Variants in LAMA2 observed in about 807,000 individuals in gnomAD.
The protein encoded by LAMA2 is laminin subunit alpha 2, also known as laminin subunit alpha-2.
Under a neutral mutation model 364.8 loss-of-function variants are expected in LAMA2, and 269 were observed. The ratio of observed to expected loss-of-function variants is 0.74; its 90% CI spans 0.67 to 0.82. The LOEUF is 0.82. LAMA2 is among the 40% of genes least tolerant of loss of function. LAMA2 has a pLI of 0.00. For synonymous variants in LAMA2, 1,379 were observed against 1,370.6 expected (o/e 1.01, Z -0.14); for missense variants, 3,807 against 3,873.2 (o/e 0.98, Z 0.45).
chr6:129,231,182 C>A (rs2115129886), intron 12 of LAMA2, among the ~76,000 whole-genome samples: 1 of 152,160 alleles, frequency 6.6e-6, no homozygotes, highest in South Asian at 2.1e-4. Context: ...ATTACTTATG[C>A]AAATGCAAAA....
At chr6:129,068,461 T>C (rs1773084171) in intron 3 of LAMA2, among the ~76,000 whole-genome samples, 1 of 152,226 alleles carries the variant, frequency 6.6e-6, no homozygotes, top group Admixed American at 6.5e-5. Flanking sequence ...GATGGCCTTC[T>C]TCTTGCTGTA....
At chr6:129,424,560 T>G (rs1781234274) in intron 40 of LAMA2, among the ~76,000 whole-genome samples, 1 of 151,910 alleles carries the variant, frequency 6.6e-6, no homozygotes, top group Non-Finnish European at 1.5e-5. Flanking sequence ...CAAGAAAATT[T>G]GAACAAAAGA....
rs143637663 is a variant in LAMA2 at position 129,043,435 on chromosome 6, T to G, written c.113-6483T>G. 2.0e-5 allele frequency among the ~76,000 whole-genome samples: 3 copies of G among 152,324 alleles called. No individual in the cohort carries two copies. In the South Asian group the frequency reaches 6.2e-4, roughly 32 times the overall value. On this transcript the variant is annotated intron_variant, in intron 1 of 64. Transcript: ENST00000421865. ...TCTATTAATCACATGTAGTGGATTT[T>G]TTTTTCATTCTAGATACTGTGTTAC...
At chr6:129,466,270 A>G (rs1783537401) in intron 51 of LAMA2, among the ~76,000 whole-genome samples, 1 of 151,962 alleles carries the variant, frequency 6.6e-6, no homozygotes, top group African/African-American at 2.4e-5. Flanking sequence ...ATAGAGATGT[A>G]TGTAGCCAGC....
At chr6:129,255,404 T>TTAAAAAAA (rs1355029872) in intron 14 of LAMA2, among the ~76,000 whole-genome samples, 1 of 19,984 alleles carries the variant, frequency 5.0e-5, no homozygotes. Context: ...AGACTCTGTC[T>TTAAAAAAA]CAAAAAAAAA....
Position 129,063,456 on chromosome 6 carries a change from G to A in LAMA2, c.396+3560G>A, listed in dbSNP as rs115259284. Reference sequence around the variant, plus strand: ...CTTTTAAAATCTAGCCATTATCTCCGTCATGCCCTTTGATTTGTTTCAGAA... The same window carrying A: ...CTTTTAAAATCTAGCCATTATCTCCATCATGCCCTTTGATTTGTTTCAGAA... On this transcript the variant is annotated intron_variant, in intron 3 of 64. Transcript: ENST00000421865. Among the ~76,000 whole-genome samples, 572 of 151,980 alleles carry A rather than the reference G, an allele frequency of 3.8e-3. 1 individual carries two copies. The highest frequency in any genetic ancestry group is 0.013 in the African/African-American group (542 of 41,446).
intron 7 of LAMA2, among the ~76,000 whole-genome samples, chr6:129,150,151 A>G (rs1038889900): frequency 1.5e-4 from 23 of 152,282 alleles, no homozygotes; most frequent in Admixed American, 1.2e-3. Flanking sequence ...TTACAAAAGC[A>G]TATCTGGAGG....
chr6:129,512,273 G>A (rs1786648813), intron 62 of LAMA2, 90 bp from the exon 63 acceptor site: 12 of 1,276,858 alleles, frequency 9.4e-6, no homozygotes, highest in Non-Finnish European at 1.2e-5. Context: ...CATTTGAATT[G>A]AAATATAATA....
rs748541803 is a variant in LAMA2, at chr6:129,369,967, G to A, written c.4936G>A (p.Glu1646Lys). 1.9e-5 allele frequency: 31 copies of A among 1,613,910 alleles called. No individual in the cohort carries two copies. Among genetic ancestry groups the A allele is most frequent in the East Asian group, 4.5e-5 (2 of 44,874 alleles). The change falls in exon 34 of 65, where the codon GAA becomes AAA. Residue 1646 changes from glutamate to lysine, a missense_variant. Around this residue, in one of 3 missense-constraint regions of LAMA2, gnomAD observed 3,333 missense variants for 3,345.7 expected, o/e 1.00. Transcript: ENST00000421865. Reference protein sequence around the residue: ...AEGNLNTLVTEMNELLTRATK... With the variant: ...AEGNLNTLVTKMNELLTRATK... ...GGGCAATCTGAATACACTCGTGACC[G>A]AAATGAACGAGCTGCTGACCAGGGT...
chr6:128,929,242 C>G (rs1779291414), intron 1 of LAMA2: 14 of 1,467,292 alleles, frequency 9.5e-6, no homozygotes, highest in South Asian at 3.4e-5. Flanking sequence ...GATTGATGTA[C>G]TGTAAGAGAC....
intron 15 of LAMA2, among the ~76,000 whole-genome samples, chr6:129,261,827 A>C (rs1334448898): frequency 6.6e-6 from 1 of 152,128 alleles, no homozygotes; most frequent in East Asian, 1.9e-4. Context: ...ACTAGATATA[A>C]CTTATAGAAG....
intron 40 of LAMA2, among the ~76,000 whole-genome samples, chr6:129,427,277 C>A (rs1057258515): frequency 6.6e-6 from 1 of 152,128 alleles, no homozygotes; most frequent in Non-Finnish European, 1.5e-5. Context: ...GAAATGCTCC[C>A]CTCTCAGTCC....
At chr6:129,395,209 C>T (rs888203366) in intron 37 of LAMA2, among the ~76,000 whole-genome samples, 4 of 152,080 alleles carry the variant, frequency 2.6e-5, no homozygotes, top group African/African-American at 9.7e-5. Context: ...AAAACTGACA[C>T]ATTGCATCTA....
At chr6:128,930,613 C>CT (rs1322792614) in intron 1 of LAMA2, among the ~76,000 whole-genome samples, 1 of 152,116 alleles carries the variant, frequency 6.6e-6, no homozygotes, top group African/African-American at 2.4e-5. Context: ...TCCTTGCTAT[C>CT]TTTGTTAGTT....
At chr6:128,904,452 CT>C (rs562812796) in intron 1 of LAMA2, among the ~76,000 whole-genome samples, 7,100 of 119,284 alleles carry the variant, frequency 0.06, 194 homozygotes, top group African/African-American at 0.088. Context: ...TTTTTCCTTT[CT>C]TTTTTTTTTT....
At chr6:129,467,741 C>T (rs1378874365) in intron 51 of LAMA2, among the ~76,000 whole-genome samples, 1 of 151,780 alleles carries the variant, frequency 6.6e-6, no homozygotes, top group Non-Finnish European at 1.5e-5. Flanking sequence ...AACAAATAAA[C>T]AAAAGATCTG....
intron 18 of LAMA2, among the ~76,000 whole-genome samples, chr6:129,282,772 C>T (rs1788814490): frequency 6.6e-6 from 1 of 152,132 alleles, no homozygotes. Context: ...AACATCTCTA[C>T]CATCATCATT....
chr6:129,400,647 T>A (rs1365365337), intron 37 of LAMA2, among the ~76,000 whole-genome samples: 1 of 152,254 alleles, frequency 6.6e-6, no homozygotes, highest in Non-Finnish European at 1.5e-5. Context: ...GGATTGAGTT[T>A]CATGTACTTT....
chr6:128,988,640 C>A (rs1783420294), intron 1 of LAMA2, among the ~76,000 whole-genome samples: 1 of 152,124 alleles, frequency 6.6e-6, no homozygotes, highest in Admixed American at 6.5e-5. Flanking sequence ...GCTTTTTTAA[C>A]TTTCACAATT....
Sources: allele counts gnomAD v4.1 joint callset (sites outside exome capture counted in the v4.1 genomes callset), GRCh38; gene constraint gnomAD v4.1.1; regional missense constraint gnomAD v4.1.1; transcripts MANE v1.5; gene names NCBI Gene and HGNC (gene_info 2026-07-23, HGNC 2026-07-21).